AHSG: variants seen among roughly 807,000 people sequenced by gnomAD.
The protein encoded by AHSG is alpha-2-HS-glycoprotein.
AHSG carries 23 observed loss-of-function variants against 30.1 expected under a neutral mutation model. That is an observed-to-expected ratio of 0.76 (90% confidence interval 0.55 to 1.08). AHSG has a LOEUF of 1.08. Among genes scored for constraint, AHSG ranks in the 50% least tolerant of loss-of-function variants. The probability of loss-of-function intolerance (pLI) is 0.00; values close to 1 mark genes in which losing one functional copy is unlikely to be tolerated. For synonymous variants in AHSG, 164 were observed against 186.3 expected (o/e 0.88, Z 0.98); for missense variants, 469 against 459.5 (o/e 1.02, Z -0.19).
intron 2 of AHSG, 89 bp downstream of exon 2, chr3:186,615,884 C>T: frequency 4.9e-6 from 6 of 1,217,440 alleles, no homozygotes; most frequent in Non-Finnish European, 6.0e-6. Context: ...CTTGGCTAGC[C>T]AGGGTGCAGT....
chr3:186,620,091 A>G (rs146838610), intron 6 of AHSG, 151 bp downstream of exon 6: 98 of 558,358 alleles, frequency 1.8e-4, no homozygotes, highest in African/African-American at 1.6e-3. Context: ...GGAATCATCA[A>G]CAAATGGAAG....
chr3:186,616,329 T>A (rs929104860), intron 2 of AHSG, 114 bp from the exon 3 acceptor site: 5 of 686,326 alleles, frequency 7.3e-6, no homozygotes, highest in Non-Finnish European at 1.3e-5. Context: ...TGTTTCAGTA[T>A]TACCCAGCAA....
rs781247581 is a variant in AHSG, at chr3:186,618,576, G to T, written c.614G>T (p.Gly205Val). 5 of 1,614,080 alleles carry T rather than the reference G, an allele frequency of 3.1e-6. No individual in the cohort carries two copies. In the Admixed American group the frequency reaches 5.0e-5, roughly 16 times the overall value. ...PSTYVEFTVS[G>V]TDCVAKEATE... ...ACCTATGTGGAGTTTACAGTGTCTG[G>T]CACTGACTGTGTTGCTAAAGAGGCC... Residue 205 changes from glycine (G) to valine (V), a missense_variant, in exon 5 of 7, where the codon GGC becomes GTC. Physicochemically the swap from Gly to Val is moderately radical, Grantham distance 109. Transcript: ENST00000411641.
At position 186,619,933 on chromosome 3, in the gene AHSG, AAACAC is replaced by A; in HGVS notation, c.754_758del (p.Thr252AlafsTer13). The A allele has an allele frequency of 1.2e-6, 2 of 1,610,612 alleles. No homozygotes were observed. The highest frequency in any genetic ancestry group is 2.2e-5 in the South Asian group (2 of 90,446). On this transcript the variant is annotated frameshift_variant and splice_region_variant, in exon 6 of 7. Coordinates refer to ENST00000411641, the MANE Select transcript of AHSG (RefSeq NM_001622.4). LOFTEE classifies it low-confidence loss of function (END_TRUNC). ...GTTGCAGTGACCTGCATGGTGTTCC[AAACAC>A]AGGTAACAGCTCCGTGAATATTCTT...
rs548302489 is a variant in AHSG, at chr3:186,620,761, C to T, written c.935C>T (p.Ala312Val). The change falls in exon 7 of 7, where the codon GCG becomes GTG. Residue 312 changes from alanine to valine, a missense_variant. Transcript: ENST00000411641. ...CCTCCAGGACACCAGTTGCACCGGGCGCACTACGACCTGCGCCACACCTTC... is the reference window on the plus strand; with the variant it reads ...CCTCCAGGACACCAGTTGCACCGGGTGCACTACGACCTGCGCCACACCTTC... The part of the protein sequence containing the change: ...AAPPGHQLHR[A>V]HYDLRHTFMG... The T allele has an allele frequency of 4.8e-5, 78 of 1,614,182 alleles. 1 individual carries two copies. The highest frequency in any genetic ancestry group is 2.2e-4 in the East Asian group (10 of 44,874).
chr3:186,617,164 C>G, intron 3 of AHSG, 23 bp from the exon 4 acceptor site: 1 of 1,594,828 alleles, frequency 6.3e-7, no homozygotes, highest in African/African-American at 1.3e-5. Context: ...CTGCCCACAT[C>G]CTGGTTTCCT....
intron 1 of AHSG, among the ~76,000 whole-genome samples, chr3:186,614,674 A>G (rs1579011094): frequency 6.6e-6 from 1 of 152,374 alleles, no homozygotes; most frequent in Admixed American, 6.5e-5. Flanking sequence ...GCAGAGCTTC[A>G]GAGTTGGTTC....
intron 1 of AHSG, among the ~76,000 whole-genome samples, chr3:186,613,975 G>A (rs1338211503): frequency 3.3e-5 from 5 of 151,538 alleles, no homozygotes; most frequent in African/African-American, 7.3e-5. Flanking sequence ...AAGTCTTCAG[G>A]CTGGGATTTG....
rs370627604 is a variant in AHSG, at chr3:186,613,145, A to G, written c.4A>G (p.Lys2Glu). ...CCAGGGCCTCTCTGGGGCAGCCATG[A>G]AGTCCCTCGTCCTGCTCCTTTGTCT... Reference protein sequence around the residue: MKSLVLLLCLAQ... With the variant: MESLVLLLCLAQ... The change falls in exon 1 of 7, where the codon AAG (lysine) becomes GAG (glutamate). Residue 2 changes from lysine to glutamate, a missense_variant. Coordinates refer to ENST00000411641, the MANE Select transcript of AHSG (RefSeq NM_001622.4). 6.2e-7 allele frequency: 1 copy of G among 1,613,850 alleles called. No individual in the cohort carries two copies. The highest frequency in any genetic ancestry group is 8.5e-7 in the Non-Finnish European group (1 of 1,179,968).
Position 186,618,575 on chromosome 3 carries a change from G to T in AHSG, c.613G>T (p.Gly205Cys). The T allele has an allele frequency of 6.2e-7, 1 of 1,614,128 alleles. No homozygotes were observed. Among genetic ancestry groups the T allele is most frequent in the Non-Finnish European group, 8.5e-7 (1 of 1,179,982 alleles). The change falls in exon 5 of 7, where the codon GGC (glycine) becomes TGC (cysteine). Residue 205 changes from glycine (G) to cysteine (C), a missense_variant. By Grantham distance (159) the Gly-to-Cys change is radical. Coordinates refer to ENST00000411641, the MANE Select transcript of AHSG (RefSeq NM_001622.4). ...PSTYVEFTVS[G>C]TDCVAKEATE... ...TACCTATGTGGAGTTTACAGTGTCT[G>T]GCACTGACTGTGTTGCTAAAGAGGC...
At chr3:186,613,845 G>GT (rs1275562128) in intron 1 of AHSG, among the ~76,000 whole-genome samples, 6 of 151,996 alleles carry the variant, frequency 3.9e-5, no homozygotes, top group Non-Finnish European at 5.9e-5. Context: ...GTGCTGTGTG[G>GT]TACATATATT....
intron 4 of AHSG, 135 bp downstream of exon 4, chr3:186,617,485 A>G: frequency 6.7e-7 from 1 of 1,490,606 alleles, no homozygotes; most frequent in Middle Eastern, 1.7e-4. Flanking sequence ...GGTTGTTTGG[A>G]AAGGGAAGAA....
intron 4 of AHSG, 89 bp from the exon 5 acceptor site, chr3:186,618,447 C>T (rs939508276): frequency 1.9e-6 from 3 of 1,564,624 alleles, no homozygotes; most frequent in Non-Finnish European, 8.7e-7. Context: ...AATGGTGCTC[C>T]CCGAAGGAGG....
Position 186,620,886 on chromosome 3 carries a change from G to T in AHSG, c.1060G>T (p.Val354Leu), listed in dbSNP as rs1560011877. ...TAGTGTTGGTGCTGCTGCTGGGCCA[G>T]TGGTTCCTCCATGTCCGGGGAGGAT... is the stretch of plus-strand genomic sequence containing the variant. ...QPSVGAAAGP[V>L]VPPCPGRIRH... The change falls in exon 7 of 7, where the codon GTG (valine) becomes TTG (leucine). Residue 354 changes from valine (V) to leucine (L), a missense_variant. Physicochemically the swap from Val to Leu is conservative, Grantham distance 32 (BLOSUM62 1). Coordinates refer to ENST00000411641, the MANE Select transcript of AHSG (RefSeq NM_001622.4). 1.9e-6 allele frequency: 3 copies of T among 1,614,010 alleles called. No individual in the cohort carries two copies. Among genetic ancestry groups the T allele is most frequent in the Non-Finnish European group, 1.7e-6 (2 of 1,180,032 alleles).
intron 4 of AHSG, 21 bp downstream of exon 4, chr3:186,617,371 G>C (rs775467655): frequency 6.2e-7 from 1 of 1,614,204 alleles, no homozygotes. Flanking sequence ...AGATTCTTTT[G>C]ACAGGTTGGG....
chr3:186,620,443 TG>T (rs1716445839), intron 6 of AHSG, 142 bp from the exon 7 acceptor site: 1 of 734,988 alleles, frequency 1.4e-6, no homozygotes, highest in East Asian at 2.6e-5. Context: ...CCCTTGTACT[TG>T]GGTAGGTCCT....
Position 186,620,783 on chromosome 3 carries a change from C to A in AHSG, c.957C>A (p.Thr319=). 6.2e-7 allele frequency: 1 copy of A among 1,614,210 alleles called. No homozygotes were observed. The highest frequency in any genetic ancestry group is 8.5e-7 in the Non-Finnish European group (1 of 1,180,046). Residue 319 remains threonine (T), a synonymous_variant, in exon 7 of 7, where the codon ACC becomes ACA. Coordinates refer to ENST00000411641, the MANE Select transcript of AHSG (RefSeq NM_001622.4). The part of the protein sequence containing the change: ...LHRAHYDLRH[T]FMGVVSLGSP... ...GGGCGCACTACGACCTGCGCCACACCTTCATGGGTGTGGTCTCATTGGGGT... is the reference window on the plus strand; with the variant it reads ...GGGCGCACTACGACCTGCGCCACACATTCATGGGTGTGGTCTCATTGGGGT...
intron 1 of AHSG, among the ~76,000 whole-genome samples, 200 bp downstream of exon 1, chr3:186,613,554 G>A (rs1716208952): frequency 6.6e-6 from 1 of 152,164 alleles, no homozygotes; most frequent in African/African-American, 2.4e-5. Flanking sequence ...TCAGGAGGGA[G>A]CTGGGTGGGG....
intron 2 of AHSG, 90 bp downstream of exon 2, chr3:186,615,885 A>G (rs1579012261): frequency 8.3e-7 from 1 of 1,209,924 alleles, no homozygotes; most frequent in Non-Finnish European, 1.2e-6. Flanking sequence ...TTGGCTAGCC[A>G]GGGTGCAGTT....
Sources: gnomAD v4.1 joint callset for allele counts (sites outside exome capture counted in the v4.1 genomes callset) on GRCh38, gnomAD v4.1.1 for gene constraint, MANE v1.5 for transcripts, NCBI Gene and HGNC (gene_info 2026-07-23, HGNC 2026-07-21) for gene names.